The following CPPED1 variants were observed in gnomAD, a reference collection of about 807,000 sequenced individuals.
CPPED1 encodes serine/threonine-protein phosphatase CPPED1.
A neutral mutation model predicts 28.0 loss-of-function variants in CPPED1; 28 were observed. The observed-to-expected ratio is 1.00, with a 90% CI of 0.74 to 1.37. CPPED1 has a LOEUF of 1.37. CPPED1 is among the 40% of genes most tolerant of loss of function. The pLI, the probability that CPPED1 is intolerant of heterozygous loss-of-function variation, is 0.00. For missense variants in CPPED1, 504 were observed against 416.5 expected (o/e 1.21, Z -1.83); for synonymous variants, 198 against 180.2 (o/e 1.10, Z -0.79).
chr16:12,686,819 T>C (rs973234185), intron 3 of CPPED1, among the ~76,000 whole-genome samples: 2 of 152,226 alleles, frequency 1.3e-5, no homozygotes, highest in African/African-American at 2.4e-5. Flanking sequence ...TTGATTTAGA[T>C]TGTGACCTTT....
At chr16:12,686,848 T>C (rs2079935995) in intron 3 of CPPED1, among the ~76,000 whole-genome samples, 1 of 152,146 alleles carries the variant, frequency 6.6e-6, no homozygotes, top group African/African-American at 2.4e-5. Context: ...GCTGAAGAGA[T>C]TTAAGTGCAG....
At chr16:12,730,208 C>T (rs148177712) in intron 2 of CPPED1, among the ~76,000 whole-genome samples, 1 of 152,064 alleles carries the variant, frequency 6.6e-6, no homozygotes, top group Non-Finnish European at 1.5e-5. Context: ...TCCTATGTTG[C>T]CCTGGCTAGT....
At chr16:12,790,149 A>C (rs1485602643) in intron 1 of CPPED1, among the ~76,000 whole-genome samples, 4 of 152,222 alleles carry the variant, frequency 2.6e-5, no homozygotes, top group Non-Finnish European at 4.4e-5. Context: ...CTTTACCATT[A>C]ATCTTTCCTA....
intron 2 of CPPED1, among the ~76,000 whole-genome samples, chr16:12,728,198 A>G (rs1375906926): frequency 6.6e-6 from 1 of 152,186 alleles, no homozygotes; most frequent in Non-Finnish European, 1.5e-5. Context: ...TTATACCCAC[A>G]GGTGTAATAG....
intron 3 of CPPED1, among the ~76,000 whole-genome samples, chr16:12,680,001 A>G (rs1398851270): frequency 1.3e-5 from 2 of 152,164 alleles, no homozygotes; most frequent in African/African-American, 4.8e-5. Flanking sequence ...TTCTTCTGAG[A>G]GTAGCTCCAA....
intron 2 of CPPED1, among the ~76,000 whole-genome samples, chr16:12,740,017 A>C (rs963388292): frequency 1.3e-5 from 2 of 151,246 alleles, no homozygotes; most frequent in Non-Finnish European, 1.5e-5. Flanking sequence ...GTGGAAAGAA[A>C]GACGAAAGAA....
chr16:12,755,346 A>T (rs2141222037), intron 2 of CPPED1, among the ~76,000 whole-genome samples: 1 of 147,968 alleles, frequency 6.8e-6, no homozygotes. Flanking sequence ...CAGTGGCACG[A>T]TCATAGCTCA....
intron 2 of CPPED1, among the ~76,000 whole-genome samples, chr16:12,758,904 T>G (rs917387247): frequency 6.6e-6 from 1 of 151,746 alleles, no homozygotes; most frequent in African/African-American, 2.4e-5. Context: ...GGCTCATGCT[T>G]GTAATTCCAG....
intron 3 of CPPED1, among the ~76,000 whole-genome samples, chr16:12,674,836 T>C (rs963505122): frequency 6.6e-6 from 1 of 152,158 alleles, no homozygotes; most frequent in African/African-American, 2.4e-5. Context: ...TTTCCTCTTT[T>C]GTACCATGAA....
rs75852522 is a variant in CPPED1 at position 12,664,509 on chromosome 16, A to T, written c.*377T>A. On this transcript the variant is annotated 3_prime_UTR_variant, in exon 4 of 4. Transcript: ENST00000381774. The surrounding 1 kb of genome is among the most constrained non-coding windows in gnomAD (Gnocchi z 4.2). The stretch of plus-strand genomic sequence containing the variant: ...TAGTTTGTTTAAGGAATTATCAAAG[A>T]TCATACTTGGCTGTCAGATTGGAAT... 4.2e-4 allele frequency: 445 copies of T among 1,065,950 alleles called. No homozygotes were observed. In the African/African-American group the frequency reaches 7.1e-3, roughly 17 times the overall value. 66.0% of individuals were successfully genotyped at this position (1,065,950 alleles called of 1,614,324 possible).
chr16:12,751,716 A>G (rs1229007328), intron 2 of CPPED1, among the ~76,000 whole-genome samples: 1 of 152,140 alleles, frequency 6.6e-6, no homozygotes, highest in African/African-American at 2.4e-5. Context: ...CCTAACTAAA[A>G]CTGGCACACA....
At chr16:12,705,487 G>T (rs2080045008) in intron 2 of CPPED1, among the ~76,000 whole-genome samples, 1 of 152,212 alleles carries the variant, frequency 6.6e-6, no homozygotes, top group Non-Finnish European at 1.5e-5. Context: ...GCTGGGCGTG[G>T]TGGCTCATGC....
intron 2 of CPPED1, among the ~76,000 whole-genome samples, chr16:12,767,016 A>C (rs190678207): frequency 2.0e-5 from 3 of 147,930 alleles, no homozygotes; most frequent in Non-Finnish European, 4.5e-5. Flanking sequence ...TTTTTTTTTG[A>C]GTCATGGAGC....
rs574162174 is a variant in CPPED1 at position 12,775,744 on chromosome 16, G to A, written c.289+5441C>T. ...TGCAAAACGAAGCGCACAAGGTTTGGAAACAGATGAACAAGAGTTCCCAGT... is the reference window on the plus strand; with the variant it reads ...TGCAAAACGAAGCGCACAAGGTTTGAAAACAGATGAACAAGAGTTCCCAGT... On this transcript the variant is annotated intron_variant, in intron 2 of 3. Coordinates refer to ENST00000381774, the MANE Select transcript of CPPED1 (RefSeq NM_018340.3). Among the ~76,000 whole-genome samples the A allele has an allele frequency of 2.6e-5, 4 of 152,280 alleles. No homozygotes were observed. In the South Asian group the frequency reaches 6.2e-4, roughly 24 times the overall value.
At position 12,660,053 on chromosome 16, in the gene CPPED1, A is replaced by G. The variant is rs966411799; in HGVS notation, c.*4833T>C. 1 of 152,212 alleles carries G rather than the reference A, an allele frequency of 6.6e-6. No individual in the cohort carries two copies. The highest frequency in any genetic ancestry group is 1.5e-5 in the Non-Finnish European group (1 of 68,062). The allele number at this position is 152,212 out of a possible 1,614,324, so 9.4% of individuals were successfully genotyped here. A position where few individuals can be genotyped will look rare whatever the true frequency, so the allele number is the denominator to read the frequency against. ...GTCCGTCCCTTGACACATGGGGATT[A>G]TGGGGATTACAATTCGAGATGAGAT... On this transcript the variant is annotated 3_prime_UTR_variant, in exon 4 of 4. Coordinates refer to ENST00000381774, the MANE Select transcript of CPPED1 (RefSeq NM_018340.3).
intron 2 of CPPED1, among the ~76,000 whole-genome samples, chr16:12,728,860 G>A (rs934598165): frequency 6.6e-6 from 1 of 152,170 alleles, no homozygotes; most frequent in African/African-American, 2.4e-5. Flanking sequence ...GGCAACATAC[G>A]GAGACCCTGT....
intron 2 of CPPED1, among the ~76,000 whole-genome samples, chr16:12,732,607 A>G (rs541569284): frequency 6.6e-6 from 1 of 152,268 alleles, no homozygotes; most frequent in East Asian, 1.9e-4. Context: ...CCCTCACAGT[A>G]TTATTGTAGA....
At chr16:12,776,974 C>T (rs1028477037) in intron 2 of CPPED1, among the ~76,000 whole-genome samples, 11 of 152,178 alleles carry the variant, frequency 7.2e-5, no homozygotes, top group East Asian at 1.9e-4. Flanking sequence ...TCTCCAGCCA[C>T]GTGGAACTGT....
At chr16:12,696,941 C>T (rs997812869) in intron 3 of CPPED1, among the ~76,000 whole-genome samples, 12 of 152,168 alleles carry the variant, frequency 7.9e-5, no homozygotes, top group African/African-American at 1.4e-4. Flanking sequence ...CCGGCCCAGA[C>T]GCTAATTCCC....
Sources: allele counts gnomAD v4.1 joint callset (sites outside exome capture counted in the v4.1 genomes callset), GRCh38; gene constraint gnomAD v4.1.1; non-coding constraint Gnocchi (gnomAD v3.1); transcripts MANE v1.5; gene names NCBI Gene and HGNC (gene_info 2026-07-23, HGNC 2026-07-21).